RAB5C: variants seen among roughly 807,000 people sequenced by gnomAD.
RAB5C encodes RAB5C, member RAS oncogene family.
RAB5C carries 4 observed loss-of-function variants against 25.2 expected under a neutral mutation model. The observed-to-expected ratio is 0.16, with a 90% CI of 0.08 to 0.36. RAB5C has a LOEUF of 0.36. Ranked by LOEUF, RAB5C falls within the 10% of genes least tolerant of loss-of-function variation. The pLI is 1.00. For missense variants in RAB5C, 199 were observed against 283.8 expected (o/e 0.70, Z 2.15); for synonymous variants, 100 against 106.4 (o/e 0.94, Z 0.37).
chr17:42,143,590 T>C (rs1024722005), intron 1 of RAB5C, among the ~76,000 whole-genome samples: 1 of 152,062 alleles, frequency 6.6e-6, no homozygotes, highest in Admixed American at 6.5e-5. Context: ...TGAGCTGAGA[T>C]CGTGCAGCTG....
At chr17:42,148,403 C>CAAAAAAAAA (rs71228786) in intron 1 of RAB5C, among the ~76,000 whole-genome samples, 1 of 57,406 alleles carries the variant, frequency 1.7e-5, no homozygotes, top group Non-Finnish European at 3.4e-5. Flanking sequence ...GACTCCATCT[C>CAAAAAAAAA]AAAAAAAAAA....
intron 1 of RAB5C, among the ~76,000 whole-genome samples, chr17:42,148,837 G>A (rs1333077166): frequency 1.3e-5 from 2 of 152,144 alleles, no homozygotes; most frequent in South Asian, 2.1e-4. Context: ...ATTGAATAGC[G>A]ATAAGAGCAC....
At chr17:42,153,630 C>T (rs1016544244) in intron 1 of RAB5C, among the ~76,000 whole-genome samples, 6 of 152,130 alleles carry the variant, frequency 3.9e-5, no homozygotes, top group African/African-American at 2.4e-5. Flanking sequence ...TCCGTCCCTT[C>T]CTCCACTGTA....
At chr17:42,138,854 A>T (rs1045881126) in intron 1 of RAB5C, among the ~76,000 whole-genome samples, 1 of 152,260 alleles carries the variant, frequency 6.6e-6, no homozygotes, top group Admixed American at 6.5e-5. Flanking sequence ...CAGCCAGGAC[A>T]GAGCACAGCT....
intron 1 of RAB5C, among the ~76,000 whole-genome samples, chr17:42,147,144 AAGAG>A (rs572493429): frequency 0.11 from 10,523 of 99,532 alleles, 404 homozygotes; most frequent in African/African-American, 0.19. Context: ...GAAAGAAAGA[AAGAG>A]AGAGAGAGAG....
intron 1 of RAB5C, chr17:42,131,640 G>T (rs775087683): frequency 5.9e-6 from 9 of 1,532,034 alleles, no homozygotes; most frequent in Non-Finnish European, 7.9e-6. Flanking sequence ...GAGATGGGGC[G>T]ATGGAGAGAA....
Position 42,126,864 on chromosome 17 carries a change from G to A in RAB5C, c.442-16C>T, listed in dbSNP as rs763100388. On this transcript the variant is annotated splice_polypyrimidine_tract_variant and intron_variant, in intron 4 of 5. Coordinates refer to ENST00000346213, the MANE Select transcript of RAB5C (RefSeq NM_004583.4). ...CTTGTGCTTCCTGGTTTGGATGGAGGTGAGAGGAGGTGAGAGGGAAATGTT... is the reference window on the plus strand; with the variant it reads ...CTTGTGCTTCCTGGTTTGGATGGAGATGAGAGGAGGTGAGAGGGAAATGTT... 2.0e-6 allele frequency: 3 copies of A among 1,532,650 alleles called. No homozygotes were observed. The highest frequency in any genetic ancestry group is 2.7e-6 in the Non-Finnish European group (3 of 1,113,892). The allele number at this position is 1,532,650 out of a possible 1,614,324, so 94.9% of individuals were successfully genotyped here.
At chr17:42,149,591 T>G (rs1231277466) in intron 1 of RAB5C, among the ~76,000 whole-genome samples, 1 of 151,998 alleles carries the variant, frequency 6.6e-6, no homozygotes, top group Non-Finnish European at 1.5e-5. Context: ...AATAAATAAA[T>G]TAATTAATTA....
At chr17:42,129,440 A>G (rs1286968466) in intron 2 of RAB5C, among the ~76,000 whole-genome samples, 1 of 152,148 alleles carries the variant, frequency 6.6e-6, no homozygotes, top group Non-Finnish European at 1.5e-5. Context: ...ACCTTCAGTC[A>G]CTAAGAGGTG....
At chr17:42,150,902 A>G (rs952641799) in intron 1 of RAB5C, among the ~76,000 whole-genome samples, 2 of 152,036 alleles carry the variant, frequency 1.3e-5, no homozygotes, top group Non-Finnish European at 2.9e-5. Context: ...GGCAACTGCT[A>G]TTTTGTGGGC....
chr17:42,153,915 T>C (rs909130536), intron 1 of RAB5C, among the ~76,000 whole-genome samples: 5 of 152,234 alleles, frequency 3.3e-5, no homozygotes, highest in Admixed American at 6.5e-5. Context: ...CCTGAAGGGA[T>C]TGCAGACAGA....
chr17:42,134,717 G>C (rs2054518620), intron 1 of RAB5C, among the ~76,000 whole-genome samples: 1 of 152,200 alleles, frequency 6.6e-6, no homozygotes, highest in Non-Finnish European at 1.5e-5. Flanking sequence ...ACAAGCACCA[G>C]TCCCAACCTC....
rs184137859 is a variant in RAB5C at position 42,138,543 on chromosome 17, G to C, written c.-88-7953C>G. 3.9e-5 allele frequency among the ~76,000 whole-genome samples: 6 copies of C among 152,338 alleles called. 1 individual carries two copies. The East Asian group carries it at 1.2e-3, about 29-fold the overall frequency. ...GGAAAGGGAAGTAAATTATCCCAGA[G>C]GGGCACTGAAGGTGAGCTGGGTCCC... is the stretch of plus-strand genomic sequence containing the variant. On this transcript the variant is annotated intron_variant, in intron 1 of 5. Coordinates refer to ENST00000346213, the MANE Select transcript of RAB5C (RefSeq NM_004583.4).
At chr17:42,132,336 G>A (rs1047460033) in intron 1 of RAB5C, among the ~76,000 whole-genome samples, 2 of 152,176 alleles carry the variant, frequency 1.3e-5, no homozygotes, top group African/African-American at 4.8e-5. Flanking sequence ...AAGGAAGTAC[G>A]GGGTGGTGGG....
intron 1 of RAB5C, among the ~76,000 whole-genome samples, chr17:42,153,915 T>G (rs909130536): frequency 6.6e-6 from 1 of 152,234 alleles, no homozygotes; most frequent in East Asian, 1.9e-4. Context: ...CCTGAAGGGA[T>G]TGCAGACAGA....
rs771533462 is a variant in RAB5C at position 42,130,448 on chromosome 17, T to C, written c.55A>G (p.Ile19Val). ...AGCAGAACCAGCTTAAATTGACAGA[T>C]CTTGTTCCCAGCAGCTGGTCCATTG... ...RPNGPAAGNK[I>V]CQFKLVLLGE... is the part of the protein sequence containing the mutation. Residue 19 changes from isoleucine to valine, a missense_variant, in exon 2 of 6, where the codon ATC becomes GTC. Physicochemically the swap from Ile to Val is conservative, Grantham distance 29. This residue lies in a region of RAB5C where 24 missense variants were observed against 64.0 expected (regional missense o/e 0.38). Transcript: ENST00000346213. 2 of 1,614,054 alleles carry C rather than the reference T, an allele frequency of 1.2e-6. No individual in the cohort carries two copies. Among genetic ancestry groups the C allele is most frequent in the Non-Finnish European group, 1.7e-6 (2 of 1,179,998 alleles).
At chr17:42,127,352 G>C (rs564369761) in intron 4 of RAB5C, among the ~76,000 whole-genome samples, 1 of 152,310 alleles carries the variant, frequency 6.6e-6, no homozygotes, top group East Asian at 1.9e-4. Flanking sequence ...AAGAAGAGAA[G>C]TTGAGTTTCT....
At chr17:42,133,618 G>C (rs111905114) in intron 1 of RAB5C, among the ~76,000 whole-genome samples, 8 of 152,318 alleles carry the variant, frequency 5.3e-5, no homozygotes, top group African/African-American at 1.9e-4. Context: ...GCCAGGGCTA[G>C]AGCATCTGGC....
chr17:42,142,743 G>C (rs1283082749), intron 1 of RAB5C, among the ~76,000 whole-genome samples: 1 of 152,186 alleles, frequency 6.6e-6, no homozygotes, highest in Non-Finnish European at 1.5e-5. Context: ...TTTTCAGAGA[G>C]ATGACAGTAC....
Sources: gnomAD v4.1 joint callset for allele counts (sites outside exome capture counted in the v4.1 genomes callset) on GRCh38, gnomAD v4.1.1 for gene constraint, gnomAD v4.1.1 regional missense constraint, MANE v1.5 for transcripts, NCBI Gene and HGNC (gene_info 2026-07-23, HGNC 2026-07-21) for gene names.